Variants in HIF3A observed in about 807,000 individuals in gnomAD.
The protein encoded by HIF3A is hypoxia-inducible factor 3-alpha.
A neutral mutation model predicts 67.2 loss-of-function variants in HIF3A; 41 were observed. The ratio of observed to expected loss-of-function variants is 0.61; its 90% CI spans 0.48 to 0.79. HIF3A has a LOEUF of 0.79. Among genes scored for constraint, HIF3A ranks in the 30% least tolerant of loss-of-function variants. HIF3A has a pLI of 0.00. For missense variants in HIF3A, 855 were observed against 898.0 expected (o/e 0.95, Z 0.61); for synonymous variants, 356 against 374.8 (o/e 0.95, Z 0.58).
Position 46,321,849 on chromosome 19 carries a change from C to G in HIF3A, c.1218C>G (p.Pro406=), listed in dbSNP as rs1291596336. The change falls in exon 10 of 15, where the codon CCC becomes CCG. Residue 406 remains proline, a synonymous_variant. Transcript: ENST00000377670. The part of the protein sequence containing the change: ...SLSEAALAAD[P]RRFCSPDLRR... Reference sequence around the variant, plus strand: ...GCGAGGCTGCCCTGGCCGCTGACCCCCGCCGTTTCTGCAGCCCTGACCTCC... The same window carrying G: ...GCGAGGCTGCCCTGGCCGCTGACCCGCGCCGTTTCTGCAGCCCTGACCTCC... 3.1e-5 allele frequency: 50 copies of G among 1,613,930 alleles called. No individual in the cohort carries two copies. Among genetic ancestry groups the G allele is most frequent in the Non-Finnish European group, 4.2e-5 (49 of 1,180,044 alleles).
At chr19:46,316,952 AT>A (rs138374140) in intron 8 of HIF3A, among the ~76,000 whole-genome samples, 2,040 of 152,134 alleles carry the variant, frequency 0.013, 48 homozygotes, top group African/African-American at 0.046. Flanking sequence ...ATGTATATAA[AT>A]TTTTTTTGAA....
intron 8 of HIF3A, among the ~76,000 whole-genome samples, chr19:46,317,439 CGTT>C (rs1024256974): frequency 1.3e-5 from 2 of 152,160 alleles, no homozygotes; most frequent in Non-Finnish European, 2.9e-5. Flanking sequence ...AAGCCAAGGG[CGTT>C]GGTGTGGTTC....
intron 1 of HIF3A, among the ~76,000 whole-genome samples, chr19:46,303,233 A>T (rs1968493066): frequency 6.6e-6 from 1 of 152,212 alleles, no homozygotes; most frequent in South Asian, 2.1e-4. Flanking sequence ...ATAAAACGAC[A>T]CTTATTCTTC....
chr19:46,309,189 A>G lies in HIF3A; in HGVS notation c.600A>G (p.Pro200=), dbSNP rs1416223959. 1 of 1,614,014 alleles carries G rather than the reference A, an allele frequency of 6.2e-7. No homozygotes were observed. The highest frequency in any genetic ancestry group is 1.3e-5 in the African/African-American group (1 of 75,004). ...CTGGACATATGAGGGCCTACAAGCC[A>G]CCTGCGCAGACTTCTCCAGCTGGGA... ...NCSGHMRAYK[P]PAQTSPAGSP... The change falls in exon 6 of 15, where the codon CCA becomes CCG. Residue 200 remains proline, a synonymous_variant. Transcript: ENST00000377670.
At chr19:46,324,917 C>CAT (rs1182507534) in intron 10 of HIF3A, among the ~76,000 whole-genome samples, 21 of 143,396 alleles carry the variant, frequency 1.5e-4, no homozygotes, top group South Asian at 1.1e-3. Flanking sequence ...TACACACACA[C>CAT]ATATATATAT....
At position 46,331,245 on chromosome 19, in the gene HIF3A, A is replaced by G. The variant is rs754240024; in HGVS notation, c.1802A>G (p.Glu601Gly). ...AAAAGGTCCCCCAGCCCAGAACACG[A>G]AAACTTTCTGCTCTTTCCTCTCAGC... is the stretch of plus-strand genomic sequence containing the variant. ...PPKRSPSPEHENFLLFPLSLS... is the reference protein window; with the variant it reads ...PPKRSPSPEHGNFLLFPLSLS... Residue 601 changes from glutamate to glycine, a missense_variant, in exon 13 of 15, where the codon GAA (glutamate) becomes GGA (glycine). Transcript: ENST00000377670. 3.7e-6 allele frequency: 6 copies of G among 1,613,992 alleles called. No homozygotes were observed.
chr19:46,304,188 C>T lies in HIF3A; in HGVS notation c.217+100C>T, dbSNP rs992153229. On this transcript the variant is annotated intron_variant, in intron 2 of 14. Transcript: ENST00000377670. Reference sequence around the variant, plus strand: ...CCTCCTCCGGGAAGCCTTATTCTGACAAAGCCCCGCCCCCTGGTGTCGTTT... The same window carrying T: ...CCTCCTCCGGGAAGCCTTATTCTGATAAAGCCCCGCCCCCTGGTGTCGTTT... 5 of 1,055,508 alleles carry T rather than the reference C, an allele frequency of 4.7e-6. No individual in the cohort carries two copies. In the East Asian group the frequency reaches 7.9e-5, roughly 17 times the overall value. 65.4% of individuals were successfully genotyped at this position (1,055,508 alleles called of 1,614,324 possible).
chr19:46,339,852 C>A lies in HIF3A; in HGVS notation c.*230C>A. 2.5e-6 allele frequency: 1 copy of A among 398,980 alleles called. No individual in the cohort carries two copies. Among genetic ancestry groups the A allele is most frequent in the South Asian group, 1.1e-4 (1 of 9,060 alleles). The allele number at this position is 398,980 out of a possible 1,614,324, so 24.7% of individuals were successfully genotyped here. A position where few individuals can be genotyped will look rare whatever the true frequency, so the allele number is the denominator to read the frequency against. On this transcript the variant is annotated 3_prime_UTR_variant, in exon 15 of 15. Coordinates refer to ENST00000377670, the MANE Select transcript of HIF3A (RefSeq NM_152795.4). Reference sequence around the variant, plus strand: ...GTGACCTCTGGGAGGTGGTCCCTGGCCCCCTCCTCCTTCTCTCAGGATTTC... The same window carrying A: ...GTGACCTCTGGGAGGTGGTCCCTGGACCCCTCCTCCTTCTCTCAGGATTTC...
Position 46,339,550 on chromosome 19 carries a change from G to C in HIF3A, c.1938G>C (p.Pro646=), listed in dbSNP as rs760918904. ...PLGLGPSLLS[P]YSDEDTTQPG... ...GCCTGGGCCCCTCACTGCTCTCTCCGTACTCAGACGAGGACACTACCCAGC... is the reference window on the plus strand; with the variant it reads ...GCCTGGGCCCCTCACTGCTCTCTCCCTACTCAGACGAGGACACTACCCAGC... The change falls in exon 15 of 15, where the codon CCG becomes CCC. Residue 646 remains proline, a synonymous_variant. Transcript: ENST00000377670. The C allele has an allele frequency of 1.2e-6, 2 of 1,605,736 alleles. No homozygotes were observed. The highest frequency in any genetic ancestry group is 8.5e-7 in the Non-Finnish European group (1 of 1,175,076).
intron 10 of HIF3A, among the ~76,000 whole-genome samples, chr19:46,324,598 A>T (rs1970617563): frequency 6.6e-6 from 1 of 151,436 alleles, no homozygotes; most frequent in Non-Finnish European, 1.5e-5. Context: ...TCATGCCTGT[A>T]CTCTCAGTAC....
intron 8 of HIF3A, among the ~76,000 whole-genome samples, chr19:46,316,410 T>TCA (rs138710212): frequency 0.077 from 11,755 of 152,116 alleles, 522 homozygotes; most frequent in South Asian, 0.11. Flanking sequence ...AGTGGGAAAA[T>TCA]CACGATGGGG....
At chr19:46,322,118 T>A in intron 10 of HIF3A, 152 bp downstream of exon 10, 1 of 724,832 alleles carries the variant, frequency 1.4e-6, no homozygotes, top group Non-Finnish European at 2.2e-6. Context: ...GAGGTTCCTT[T>A]AAGACGCAGA....
chr19:46,334,879 G>A (rs746635283), intron 13 of HIF3A, 26 bp from the exon 14 acceptor site: 30 of 1,573,558 alleles, frequency 1.9e-5, no homozygotes, highest in Admixed American at 6.9e-5. Flanking sequence ...GATGATGATG[G>A]TGGTGGCTTT....
rs973670850 is a variant in HIF3A at position 46,321,760 on chromosome 19, T to C, written c.1145-16T>C. 1.3e-5 allele frequency: 21 copies of C among 1,609,078 alleles called. No individual in the cohort carries two copies. The African/African-American group carries it at 2.7e-4, about 20-fold the overall frequency. The stretch of plus-strand genomic sequence containing the variant: ...GTCACCAGCCCGTGTCCTCCCCATC[T>C]CCATGTGTCCTGCAGACACCCCTGG... On this transcript the variant is annotated splice_polypyrimidine_tract_variant and intron_variant, in intron 9 of 14. Transcript: ENST00000377670.
chr19:46,324,935 T>C (rs1970649615), intron 10 of HIF3A, among the ~76,000 whole-genome samples: 1 of 137,540 alleles, frequency 7.3e-6, no homozygotes, highest in African/African-American at 2.6e-5. Context: ...TATACACATA[T>C]ATATATACAT....
At chr19:46,327,091 G>C (rs539549049) in intron 11 of HIF3A, among the ~76,000 whole-genome samples, 26 of 152,198 alleles carry the variant, frequency 1.7e-4, no homozygotes, top group African/African-American at 6.0e-4. Context: ...GGAGGCAGAG[G>C]TTGCAGTGAG....
chr19:46,306,605 C>T (rs1968874069), intron 3 of HIF3A: 2 of 152,314 alleles, frequency 1.3e-5, no homozygotes, highest in South Asian at 4.1e-4. Flanking sequence ...TTAATTCATC[C>T]TTACAGCAAG....
chr19:46,299,953 T>C (rs1968186086), intron 1 of HIF3A, among the ~76,000 whole-genome samples: 4 of 152,184 alleles, frequency 2.6e-5, no homozygotes, highest in African/African-American at 9.6e-5. Flanking sequence ...TGCTTCCTCA[T>C]CCGGAAAATG....
chr19:46,330,776 G>GTGGATGGA (rs111371861), intron 12 of HIF3A, among the ~76,000 whole-genome samples: 2 of 145,082 alleles, frequency 1.4e-5, no homozygotes, highest in African/African-American at 5.1e-5. Flanking sequence ...GGGTGGATCA[G>GTGGATGGA]TGGATGGATG....
Sources: gnomAD v4.1 joint callset for allele counts (sites outside exome capture counted in the v4.1 genomes callset) on GRCh38, gnomAD v4.1.1 for gene constraint, MANE v1.5 for transcripts, NCBI Gene and HGNC (gene_info 2026-07-23, HGNC 2026-07-21) for gene names.